Variants in AKR1C4 observed in about 807,000 individuals in gnomAD.
AKR1C4 encodes 3-alpha-HSD1.
In AKR1C4, 44 loss-of-function variants were observed where a neutral mutation model predicts 41.0. That is an observed-to-expected ratio of 1.07 (90% CI 0.84 to 1.38). The LOEUF (loss-of-function observed/expected upper bound fraction) is 1.38, where lower values mean the gene tolerates loss of function less well. Among genes scored for constraint, AKR1C4 ranks in the 40% most tolerant of loss-of-function variants. The pLI is 0.00. For missense variants in AKR1C4, 438 were observed against 387.9 expected (o/e 1.13, Z -1.09); for synonymous variants, 165 against 137.7 (o/e 1.20, Z -1.39).
intron 4 of AKR1C4, 124 bp from the exon 5 acceptor site, chr10:5,206,151 T>G: frequency 1.3e-6 from 2 of 1,506,598 alleles, no homozygotes; most frequent in African/African-American, 1.4e-5. Flanking sequence ...ATTTTTTCTC[T>G]TGAGAATCAC....
chr10:5,204,435 A>G lies in AKR1C4; in HGVS notation c.311A>G (p.Lys104Arg). ...CAACCAGCCTTGGAAAGCTCACTGA[A>G]AAAACTTCAACTGGACTATGTTGAC... ...MVQPALESSL[K>R]KLQLDYVDLY... Residue 104 changes from lysine (K) to arginine (R), a missense_variant, in exon 3 of 9, where the codon AAA becomes AGA. Physicochemically the swap from Lys to Arg is conservative, Grantham distance 26 (BLOSUM62 2). Transcript: ENST00000263126. 2 of 1,614,066 alleles carry G rather than the reference A, an allele frequency of 1.2e-6. No homozygotes were observed.
intron 7 of AKR1C4, among the ~76,000 whole-genome samples, chr10:5,215,441 T>C (rs1157915206): frequency 3.3e-5 from 5 of 152,202 alleles, no homozygotes; most frequent in African/African-American, 1.2e-4. Flanking sequence ...TGGCTCACAA[T>C]TTGCAGGCTG....
At chr10:5,210,906 A>AGCCC (rs1201430674) in intron 5 of AKR1C4, among the ~76,000 whole-genome samples, 2 of 152,202 alleles carry the variant, frequency 1.3e-5, no homozygotes, top group Non-Finnish European at 1.5e-5. Flanking sequence ...CACCACGACC[A>AGCCC]GCCCCATACC....
intron 3 of AKR1C4, among the ~76,000 whole-genome samples, chr10:5,204,801 A>T (rs1554797310): frequency 6.6e-6 from 1 of 152,144 alleles, no homozygotes; most frequent in African/African-American, 2.4e-5. Context: ...ACAGATACAG[A>T]GATCCATGCA....
chr10:5,200,176 T>C lies in AKR1C4; in HGVS notation c.85-5T>C. 6.2e-7 allele frequency: 1 copy of C among 1,609,054 alleles called. No homozygotes were observed. Among genetic ancestry groups the C allele is most frequent in the Non-Finnish European group, 8.5e-7 (1 of 1,177,942 alleles). ...ACCAAATACTACCTTTCGTTGCTCCTTCAGGTTCCGAGGAACAGAGCTGTA... is the reference window on the plus strand; with the variant it reads ...ACCAAATACTACCTTTCGTTGCTCCCTCAGGTTCCGAGGAACAGAGCTGTA... On this transcript the variant is annotated splice_polypyrimidine_tract_variant and splice_region_variant and intron_variant, in intron 1 of 8. Coordinates refer to ENST00000263126, the MANE Select transcript of AKR1C4 (RefSeq NM_001818.5).
chr10:5,212,652 C>T lies in AKR1C4; in HGVS notation c.607C>T (p.Leu203=), dbSNP rs1832594641. ...TCCTTACCTCAACCAGAGCAAACTGCTGGATTTCTGCAAGTCAAAAGACAT... is the reference window on the plus strand; with the variant it reads ...TCCTTACCTCAACCAGAGCAAACTGTTGGATTTCTGCAAGTCAAAAGACAT... ...CHPYLNQSKL[L]DFCKSKDIVL... Residue 203 remains leucine (L), a synonymous_variant, in exon 6 of 9, where the codon CTG becomes TTG. Coordinates refer to ENST00000263126, the MANE Select transcript of AKR1C4 (RefSeq NM_001818.5). 3.1e-6 allele frequency: 5 copies of T among 1,613,588 alleles called. No individual in the cohort carries two copies. The highest frequency in any genetic ancestry group is 4.2e-6 in the Non-Finnish European group (5 of 1,179,930).
intron 7 of AKR1C4, among the ~76,000 whole-genome samples, chr10:5,214,079 C>T (rs544355745): frequency 6.6e-6 from 1 of 151,860 alleles, no homozygotes; most frequent in East Asian, 1.9e-4. Context: ...CTATTAATAT[C>T]TTATAAAAGT....
chr10:5,207,135 T>G, intron 5 of AKR1C4: 1 of 181,158 alleles, frequency 5.5e-6, no homozygotes. Flanking sequence ...AGAAAGCATT[T>G]CATTTTGGGA....
intron 5 of AKR1C4, chr10:5,207,470 G>C (rs1342271680): frequency 2.6e-6 from 1 of 384,444 alleles, no homozygotes; most frequent in East Asian, 7.5e-5. Flanking sequence ...GTGGACTGTT[G>C]ATGTTAACAG....
At chr10:5,200,857 G>A (rs1182290790) in intron 2 of AKR1C4, among the ~76,000 whole-genome samples, 1 of 152,164 alleles carries the variant, frequency 6.6e-6, no homozygotes, top group African/African-American at 2.4e-5. Flanking sequence ...AGAATGTACA[G>A]TGTTTGGTTT....
intron 5 of AKR1C4, among the ~76,000 whole-genome samples, chr10:5,210,467 G>A (rs917480475): frequency 3.3e-5 from 5 of 152,214 alleles, no homozygotes; most frequent in Non-Finnish European, 5.9e-5. Flanking sequence ...GACTGTGTGG[G>A]GGCTCTGACC....
intron 7 of AKR1C4, among the ~76,000 whole-genome samples, chr10:5,215,665 G>A (rs1365362796): frequency 6.6e-6 from 1 of 152,184 alleles, no homozygotes; most frequent in Non-Finnish European, 1.5e-5. Flanking sequence ...GAATGGACAC[G>A]ATGCAGTCAA....
chr10:5,207,847 G>A lies in AKR1C4; in HGVS notation c.570+1450G>A. Reference sequence around the variant, plus strand: ...GCCTAGTTTTCCTGTATGCCCTCCTGGGTGCTATCAAAGCTTCATTTCATT... The same window carrying A: ...GCCTAGTTTTCCTGTATGCCCTCCTAGGTGCTATCAAAGCTTCATTTCATT... On this transcript the variant is annotated intron_variant, in intron 5 of 8. Coordinates refer to ENST00000263126, the MANE Select transcript of AKR1C4 (RefSeq NM_001818.5). 8 of 256,278 alleles carry A rather than the reference G, an allele frequency of 3.1e-5. No homozygotes were observed. The South Asian group carries it at 3.5e-4, about 11-fold the overall frequency. The allele number at this position is 256,278 out of a possible 1,614,324, so 15.9% of individuals were successfully genotyped here. A position where few individuals can be genotyped will look rare whatever the true frequency, so the allele number is the denominator to read the frequency against.
intron 5 of AKR1C4, among the ~76,000 whole-genome samples, chr10:5,210,237 C>T (rs541171041): frequency 3.3e-5 from 5 of 152,358 alleles, no homozygotes; most frequent in Admixed American, 1.3e-4. Flanking sequence ...ACTCCATTTA[C>T]ATCCATGCTG....
chr10:5,215,603 T>TTCC (rs1554798432), intron 7 of AKR1C4, among the ~76,000 whole-genome samples: 1 of 152,200 alleles, frequency 6.6e-6, no homozygotes, highest in Non-Finnish European at 1.5e-5. Context: ...TAGAAATTTC[T>TTCC]TCCACCAGAT....
At chr10:5,213,224 G>T (rs1270068577) in intron 7 of AKR1C4, 65 bp downstream of exon 7, 1 of 1,591,468 alleles carries the variant, frequency 6.3e-7, no homozygotes, top group Non-Finnish European at 8.6e-7. Flanking sequence ...TTCTTGTAAG[G>T]TTCTCAGGAC....
intron 7 of AKR1C4, among the ~76,000 whole-genome samples, chr10:5,214,694 A>AAAAG (rs1832629755): frequency 3.3e-5 from 5 of 152,118 alleles, no homozygotes; most frequent in Admixed American, 2.6e-4. Context: ...TTTTTTGAGA[A>AAAAG]TTTTCTAATC....
In AKR1C4 at chr10:5,205,768, G is replaced by A. The variant is rs142675786; in HGVS notation, c.381G>A (p.Thr127=). The A allele has an allele frequency of 2.4e-5, 38 of 1,612,924 alleles. No individual in the cohort carries two copies. The Admixed American group carries it at 4.0e-4, about 17-fold the overall frequency. The stretch of plus-strand genomic sequence containing the variant: ...TGCTTCTACTTCAGCCAGGTGAGAC[G>A]CCACTACCAAAAGATGAAAATGGAA... ...HFPMALKPGE[T]PLPKDENGKV... is the part of the protein sequence containing the mutation. The change falls in exon 4 of 9, where the codon ACG becomes ACA. Residue 127 remains threonine (T), a synonymous_variant. Transcript: ENST00000263126.
chr10:5,213,463 T>C (rs1169714735), intron 7 of AKR1C4, among the ~76,000 whole-genome samples: 5 of 152,184 alleles, frequency 3.3e-5, no homozygotes, highest in Non-Finnish European at 7.3e-5. Flanking sequence ...GGTTAGGTGT[T>C]CTCTAATCTT....
Sources: allele counts gnomAD v4.1 joint callset (sites outside exome capture counted in the v4.1 genomes callset), GRCh38; gene constraint gnomAD v4.1.1; transcripts MANE v1.5; gene names NCBI Gene and HGNC (gene_info 2026-07-23, HGNC 2026-07-21).